The following SPOCK1 variants were observed in gnomAD, a reference collection of about 807,000 sequenced individuals.
SPOCK1 encodes the protein SPARC (osteonectin), cwcv and kazal like domains proteoglycan 1, also known as testican-1.
Under a neutral mutation model 55.3 loss-of-function variants are expected in SPOCK1, and 23 were observed. The ratio of observed to expected loss-of-function variants is 0.42; its 90% CI spans 0.30 to 0.59. The LOEUF is 0.59. Among genes scored for constraint, SPOCK1 ranks in the 20% least tolerant of loss-of-function variants. SPOCK1 has a pLI of 0.22. For synonymous variants in SPOCK1, 226 were observed against 221.0 expected (o/e 1.02, Z -0.20); for missense variants, 499 against 552.5 (o/e 0.90, Z 0.97).
intron 2 of SPOCK1, among the ~76,000 whole-genome samples, chr5:137,428,353 T>C (rs1752677231): frequency 6.6e-6 from 1 of 151,758 alleles, no homozygotes; most frequent in Non-Finnish European, 1.5e-5. Flanking sequence ...GTAGGGAAAA[T>C]GGAAAGGCAG....
At chr5:137,261,822 T>C (rs1178678938) in intron 3 of SPOCK1, among the ~76,000 whole-genome samples, 2 of 152,228 alleles carry the variant, frequency 1.3e-5, no homozygotes, top group Non-Finnish European at 2.9e-5. Flanking sequence ...CCATTAGTCC[T>C]ACAGTGGCTT....
intron 2 of SPOCK1, among the ~76,000 whole-genome samples, chr5:137,291,180 G>A (rs28362060): frequency 0.26 from 39,321 of 151,954 alleles, 5,827 homozygotes; most frequent in South Asian, 0.34. Context: ...ATCTGCCTCA[G>A]CAGAAGCATG....
chr5:137,064,692 C>A (rs1034619540), intron 6 of SPOCK1, among the ~76,000 whole-genome samples: 1 of 152,184 alleles, frequency 6.6e-6, no homozygotes, highest in Non-Finnish European at 1.5e-5. Flanking sequence ...CCATGCCCTC[C>A]TCTTCATTTG....
At chr5:137,183,500 A>T (rs757013005) in intron 3 of SPOCK1, among the ~76,000 whole-genome samples, 4 of 152,234 alleles carry the variant, frequency 2.6e-5, no homozygotes, top group Non-Finnish European at 5.9e-5. Flanking sequence ...ATCCAACTTC[A>T]CAACAAAATA....
At chr5:137,483,043 T>C (rs904977359) in intron 2 of SPOCK1, among the ~76,000 whole-genome samples, 2 of 152,198 alleles carry the variant, frequency 1.3e-5, no homozygotes, top group Non-Finnish European at 2.9e-5. Flanking sequence ...TAAAAAGTAA[T>C]GTATTTAGGC....
At chr5:137,247,998 C>T (rs1756430415) in intron 3 of SPOCK1, among the ~76,000 whole-genome samples, 1 of 152,096 alleles carries the variant, frequency 6.6e-6, no homozygotes, top group South Asian at 2.1e-4. Context: ...TGAGCTTTGG[C>T]TGCGACAAAC....
intron 2 of SPOCK1, among the ~76,000 whole-genome samples, chr5:137,488,023 T>C (rs1754095976): frequency 6.6e-6 from 1 of 152,208 alleles, no homozygotes; most frequent in Non-Finnish European, 1.5e-5. Flanking sequence ...CTATTTGGGA[T>C]GGATAACAAT....
intron 2 of SPOCK1, among the ~76,000 whole-genome samples, chr5:137,439,589 G>A (rs553630747): frequency 1.3e-5 from 2 of 152,274 alleles, no homozygotes; most frequent in East Asian, 3.9e-4. Flanking sequence ...CTCTACCATG[G>A]CAAAATACAG....
chr5:137,110,332 G>A (rs1470897465), intron 5 of SPOCK1, among the ~76,000 whole-genome samples: 3 of 152,218 alleles, frequency 2.0e-5, no homozygotes, highest in African/African-American at 7.2e-5. Flanking sequence ...CTGTGGACCA[G>A]CAGCTTGGTC....
chr5:137,067,909 C>T lies in SPOCK1; in HGVS notation c.475-80G>A, dbSNP rs906424261. The stretch of plus-strand genomic sequence containing the variant: ...CCCGCCTCCTAAGAAACAGCAGTGC[C>T]CTTTGCTTCACAAAAGCAAAGACAA... On this transcript the variant is annotated intron_variant, in intron 5 of 10. Transcript: ENST00000394945. 1.1e-5 allele frequency: 13 copies of T among 1,179,134 alleles called. No homozygotes were observed. The African/African-American group carries it at 2.0e-4, about 18-fold the overall frequency. 73.0% of individuals were successfully genotyped at this position (1,179,134 alleles called of 1,614,324 possible). A position where few individuals can be genotyped will look rare whatever the true frequency, so the allele number is the denominator to read the frequency against.
chr5:137,212,836 G>A (rs1048408331), intron 3 of SPOCK1, among the ~76,000 whole-genome samples: 56 of 152,354 alleles, frequency 3.7e-4, no homozygotes, highest in African/African-American at 1.3e-3. Flanking sequence ...ACAGCCTCAA[G>A]CGGTTGGCTG....
At chr5:137,394,894 G>GA in intron 2 of SPOCK1, among the ~76,000 whole-genome samples, 1 of 152,334 alleles carries the variant, frequency 6.6e-6, no homozygotes, top group South Asian at 2.1e-4. Flanking sequence ...GGAACTGTGT[G>GA]AAAAATACTT....
chr5:137,273,047 G>A (rs536229822), intron 2 of SPOCK1, among the ~76,000 whole-genome samples: 1 of 152,170 alleles, frequency 6.6e-6, no homozygotes, highest in South Asian at 2.1e-4. Flanking sequence ...AGTCCTCCAG[G>A]TCTTAGACAA....
chr5:137,155,349 C>A (rs968293089), intron 3 of SPOCK1, among the ~76,000 whole-genome samples: 1 of 152,194 alleles, frequency 6.6e-6, no homozygotes, highest in Non-Finnish European at 1.5e-5. Context: ...TCCCCCGTCC[C>A]CTGCTGGTGA....
chr5:137,454,014 T>C (rs1241935119), intron 2 of SPOCK1, among the ~76,000 whole-genome samples: 2 of 151,560 alleles, frequency 1.3e-5, no homozygotes, highest in African/African-American at 2.4e-5. Context: ...GATGTCACTA[T>C]CAAGAATAAA....
intron 3 of SPOCK1, among the ~76,000 whole-genome samples, chr5:137,223,784 G>A (rs894644648): frequency 2.0e-5 from 3 of 152,026 alleles, no homozygotes; most frequent in African/African-American, 7.3e-5. Context: ...CCCTGCCAGA[G>A]TTCAGAATGT....
intron 2 of SPOCK1, among the ~76,000 whole-genome samples, chr5:137,276,451 G>T (rs1359957594): frequency 1.3e-5 from 2 of 152,212 alleles, no homozygotes; most frequent in Non-Finnish European, 2.9e-5. Flanking sequence ...CACTGTAGAA[G>T]CTGGCTACTC....
chr5:137,098,791 C>T (rs1016084191), intron 5 of SPOCK1, among the ~76,000 whole-genome samples: 1 of 152,190 alleles, frequency 6.6e-6, no homozygotes, highest in Non-Finnish European at 1.5e-5. Flanking sequence ...TCTTGCCATA[C>T]CATGAGCCTT....
intron 3 of SPOCK1, among the ~76,000 whole-genome samples, chr5:137,209,337 C>A (rs1755570332): frequency 6.6e-6 from 1 of 152,142 alleles, no homozygotes; most frequent in African/African-American, 2.4e-5. Context: ...ATAACCAGGC[C>A]ATGTCAGAGC....
Sources: gnomAD v4.1 joint callset for allele counts (sites outside exome capture counted in the v4.1 genomes callset) on GRCh38, gnomAD v4.1.1 for gene constraint, MANE v1.5 for transcripts, NCBI Gene and HGNC (gene_info 2026-07-23, HGNC 2026-07-21) for gene names.